The following MGMT variants were observed in gnomAD, a reference collection of about 807,000 sequenced individuals.
MGMT encodes methylated-DNA--protein-cysteine methyltransferase.
A neutral mutation model predicts 15.9 loss-of-function variants in MGMT; 14 were observed. The ratio of observed to expected loss-of-function variants is 0.88; its 90% CI spans 0.58 to 1.37. The LOEUF is 1.37. Among genes scored for constraint, MGMT ranks in the 40% most tolerant of loss-of-function variants. MGMT has a pLI of 0.00. For missense variants in MGMT, 282 were observed against 268.1 expected (o/e 1.05, Z -0.36); for synonymous variants, 130 against 118.2 (o/e 1.10, Z -0.65).
At chr10:129,482,808 A>G (rs1352538440) in intron 1 of MGMT, among the ~76,000 whole-genome samples, 1 of 152,098 alleles carries the variant, frequency 6.6e-6, no homozygotes. Context: ...TTTCTTGTAG[A>G]AAACACAGTT....
At chr10:129,680,906 G>C (rs11016872) in intron 2 of MGMT, among the ~76,000 whole-genome samples, 2 of 152,112 alleles carry the variant, frequency 1.3e-5, no homozygotes, top group African/African-American at 2.4e-5. Context: ...CTGCCTGTGC[G>C]TGCTTCCTGA....
chr10:129,619,824 C>G (rs1030595327), intron 2 of MGMT, among the ~76,000 whole-genome samples: 2 of 152,134 alleles, frequency 1.3e-5, no homozygotes, highest in East Asian at 1.9e-4. Context: ...ATTCCACTGC[C>G]CTTTTTTCCA....
intron 2 of MGMT, among the ~76,000 whole-genome samples, chr10:129,628,843 A>AT (rs1847179779): frequency 6.6e-6 from 1 of 152,120 alleles, no homozygotes; most frequent in Non-Finnish European, 1.5e-5. Flanking sequence ...GCTTCTGAAG[A>AT]TTCTGGTTTT....
At chr10:129,706,270 G>A (rs76001975) in intron 2 of MGMT, among the ~76,000 whole-genome samples, 1,710 of 152,314 alleles carry the variant, frequency 0.011, 28 homozygotes, top group African/African-American at 0.039. Context: ...TGGACTGGCC[G>A]TGCATACCTT....
At chr10:129,620,834 A>AT (rs1435664758) in intron 2 of MGMT, among the ~76,000 whole-genome samples, 4 of 151,686 alleles carry the variant, frequency 2.6e-5, no homozygotes, top group Admixed American at 2.0e-4. Flanking sequence ...CGTTTTGCTG[A>AT]TTTTTTCATT....
In MGMT at chr10:129,534,832, G is replaced by A. The variant is rs181133361; in HGVS notation, c.-12-1409G>A. ...GGTGCCAGTGAGCTGCCCTTCCAGG[G>A]GTCAGCAGACCTTTCTGTAGAGGGT... On this transcript the variant is annotated intron_variant, in intron 1 of 4. Transcript: ENST00000651593. Among the ~76,000 whole-genome samples, 468 of 152,002 alleles carry A rather than the reference G, an allele frequency of 3.1e-3. 1 individual carries two copies. The highest frequency in any genetic ancestry group is 0.011 in the African/African-American group (449 of 41,482).
intron 2 of MGMT, among the ~76,000 whole-genome samples, chr10:129,632,268 A>G (rs367683786): frequency 5.3e-5 from 8 of 152,124 alleles, no homozygotes; most frequent in Admixed American, 4.6e-4. Context: ...AACTGTACCA[A>G]ATTGTGCTGT....
At chr10:129,670,878 T>G (rs1333663731) in intron 2 of MGMT, among the ~76,000 whole-genome samples, 2 of 152,242 alleles carry the variant, frequency 1.3e-5, no homozygotes, top group Non-Finnish European at 2.9e-5. Flanking sequence ...AAGATTTAAT[T>G]TTTCTGTATG....
In MGMT at chr10:129,543,406, C is replaced by G. The variant is rs186034407; in HGVS notation, c.125+7029C>G. Among the ~76,000 whole-genome samples, 367 of 152,260 alleles carry G rather than the reference C, an allele frequency of 2.4e-3. 3 individuals carry two copies. Among genetic ancestry groups the G allele is most frequent in the African/African-American group, 6.6e-3 (276 of 41,550 alleles). The stretch of plus-strand genomic sequence containing the variant: ...TCCTCTCTACAGCACTGCGGAGAAT[C>G]CCAGGCTGTGGAGCACTGGCCCATC... On this transcript the variant is annotated intron_variant, in intron 2 of 4. Coordinates refer to ENST00000651593, the MANE Select transcript of MGMT (RefSeq NM_002412.5).
At chr10:129,664,602 A>G (rs925382973) in intron 2 of MGMT, among the ~76,000 whole-genome samples, 7 of 152,242 alleles carry the variant, frequency 4.6e-5, no homozygotes, top group African/African-American at 1.7e-4. Flanking sequence ...CTTATTTTCA[A>G]AATACCATGC....
intron 3 of MGMT, among the ~76,000 whole-genome samples, chr10:129,738,415 G>A (rs112136410): frequency 6.6e-5 from 10 of 152,194 alleles, no homozygotes; most frequent in Non-Finnish European, 1.3e-4. Flanking sequence ...GCTTTGGCTC[G>A]CGCACGGTGC....
chr10:129,538,067 T>G (rs529334187), intron 2 of MGMT, among the ~76,000 whole-genome samples: 6 of 152,156 alleles, frequency 3.9e-5, no homozygotes, highest in African/African-American at 1.4e-4. Context: ...GTAGTTAATT[T>G]TAGTGGGGGG....
At chr10:129,569,235 C>T (rs1270835280) in intron 2 of MGMT, among the ~76,000 whole-genome samples, 1 of 152,164 alleles carries the variant, frequency 6.6e-6, no homozygotes, top group Non-Finnish European at 1.5e-5. Context: ...AAACACCTGG[C>T]CCGGCTCCGG....
chr10:129,472,582 G>A (rs539476113), intron 1 of MGMT, among the ~76,000 whole-genome samples: 5 of 152,246 alleles, frequency 3.3e-5, no homozygotes, highest in Admixed American at 6.5e-5. Flanking sequence ...GGAACAGATG[G>A]GCTTCCGTTT....
At chr10:129,662,970 A>G (rs372012600) in intron 2 of MGMT, among the ~76,000 whole-genome samples, 61 of 152,232 alleles carry the variant, frequency 4.0e-4, no homozygotes, top group African/African-American at 1.4e-3. Context: ...CAGAGATGTT[A>G]ACACACTATT....
chr10:129,767,188 C>G lies in MGMT; in HGVS notation c.*191C>G. On this transcript the variant is annotated 3_prime_UTR_variant, in exon 5 of 5. Transcript: ENST00000651593. ...CGGTCCTGCACACATTTGTTTCCTT[C>G]TCTAACGCTGCCCTTGCTCTATTTT... 1.9e-6 allele frequency: 1 copy of G among 528,392 alleles called. No individual in the cohort carries two copies. Among genetic ancestry groups the G allele is most frequent in the East Asian group, 3.3e-5 (1 of 30,150 alleles). The allele number at this position is 528,392 out of a possible 1,614,324, so 32.7% of individuals were successfully genotyped here.
intron 3 of MGMT, among the ~76,000 whole-genome samples, chr10:129,737,813 G>A (rs868615454): frequency 8.5e-5 from 13 of 152,304 alleles, no homozygotes; most frequent in African/African-American, 2.4e-4. Flanking sequence ...GTACCCGGCC[G>A]TGTGAGGTGT....
intron 2 of MGMT, among the ~76,000 whole-genome samples, chr10:129,665,329 A>G (rs1336106370): frequency 6.7e-6 from 1 of 150,082 alleles, no homozygotes; most frequent in Non-Finnish European, 1.5e-5. Context: ...TAACTCAGAA[A>G]AGTGGCTTTA....
intron 2 of MGMT, among the ~76,000 whole-genome samples, chr10:129,669,386 C>A (rs1259014315): frequency 6.6e-6 from 1 of 152,030 alleles, no homozygotes; most frequent in African/African-American, 2.4e-5. Flanking sequence ...TTTTACTCAC[C>A]TTTTTAATGA....
Sources: allele counts gnomAD v4.1 joint callset (sites outside exome capture counted in the v4.1 genomes callset), GRCh38; gene constraint gnomAD v4.1.1; transcripts MANE v1.5; gene names NCBI Gene and HGNC (gene_info 2026-07-23, HGNC 2026-07-21).